CABIN1: variants seen among roughly 807,000 people sequenced by gnomAD.
CABIN1 encodes the protein calcineurin-binding protein cabin-1.
Under a neutral mutation model 227.7 loss-of-function variants are expected in CABIN1, and 133 were observed. That is an observed-to-expected ratio of 0.58 (90% CI 0.51 to 0.67). The LOEUF (loss-of-function observed/expected upper bound fraction) is 0.67. Ranked by LOEUF, CABIN1 falls within the 30% of genes least tolerant of loss-of-function variation. CABIN1 has a pLI of 0.00. For synonymous variants in CABIN1, 1,086 were observed against 1,155.1 expected (o/e 0.94, Z 1.21); for missense variants, 2,408 against 2,852.5 (o/e 0.84, Z 3.55).
chr22:24,167,199 C>A lies in CABIN1; in HGVS notation c.5568C>A (p.Gly1856=), dbSNP rs756569783. The A allele has an allele frequency of 1.2e-6, 2 of 1,612,156 alleles. No individual in the cohort carries two copies. The highest frequency in any genetic ancestry group is 1.7e-6 in the Non-Finnish European group (2 of 1,179,856). ...AGCTCCTGGAGGACACAGAGTCAGG[C>A]AAGACACTTCTGTTGGATGCCTACC... ...KRKLLEDTES[G]KTLLLDAYRV... Residue 1856 remains glycine, a synonymous_variant, in exon 32 of 37, where the codon GGC becomes GGA. Transcript: ENST00000263119.
intron 5 of CABIN1, among the ~76,000 whole-genome samples, chr22:24,041,540 G>C (rs977338763): frequency 6.6e-6 from 1 of 152,224 alleles, no homozygotes; most frequent in Admixed American, 6.5e-5. Flanking sequence ...GTGGCTGTGA[G>C]TGAGTTATTC....
intron 8 of CABIN1, among the ~76,000 whole-genome samples, chr22:24,052,524 C>A (rs1162010334): frequency 6.6e-6 from 1 of 150,466 alleles, no homozygotes; most frequent in East Asian, 1.9e-4. Context: ...GGCATGGTGG[C>A]TAACGCCTAT....
chr22:24,011,715 A>G (rs945890445), intron 1 of CABIN1: 2 of 152,302 alleles, frequency 1.3e-5, no homozygotes, highest in African/African-American at 4.8e-5. Flanking sequence ...TCACCTTCAC[A>G]GCAGCCCTGC....
intron 19 of CABIN1, among the ~76,000 whole-genome samples, chr22:24,078,093 G>C (rs909861761): frequency 6.6e-6 from 1 of 152,112 alleles, no homozygotes; most frequent in African/African-American, 2.4e-5. Flanking sequence ...CTGCATGACT[G>C]GTTTGTTGTT....
At chr22:24,174,695 T>C (rs1169761331) in intron 34 of CABIN1, among the ~76,000 whole-genome samples, 1 of 152,090 alleles carries the variant, frequency 6.6e-6, no homozygotes, top group Non-Finnish European at 1.5e-5. Context: ...CCTTGGGGTG[T>C]TGGCAGCCTC....
At chr22:24,048,956 G>A in intron 6 of CABIN1, 135 bp from the exon 7 acceptor site, 1 of 1,030,548 alleles carries the variant, frequency 9.7e-7, no homozygotes, top group Non-Finnish European at 1.5e-6. Context: ...GACTGAATTA[G>A]TTAAAGTGGT....
intron 20 of CABIN1, among the ~76,000 whole-genome samples, chr22:24,083,823 C>T (rs1315104456): frequency 3.3e-5 from 5 of 152,138 alleles, no homozygotes; most frequent in African/African-American, 7.2e-5. Flanking sequence ...TGGCAGTTGT[C>T]GATAGTTTAT....
At chr22:24,173,225 C>T (rs546670535) in intron 34 of CABIN1, 2 of 152,384 alleles carry the variant, frequency 1.3e-5, no homozygotes, top group East Asian at 3.9e-4. Flanking sequence ...GAGACAGCCA[C>T]TCTGCAGAAG....
chr22:24,059,776 C>G (rs2146368885), intron 11 of CABIN1, 148 bp from the exon 12 acceptor site: 2 of 763,136 alleles, frequency 2.6e-6, no homozygotes, highest in East Asian at 2.7e-5. Context: ...ACCCAGTAGC[C>G]TGATCTCAGC....
chr22:24,020,199 A>G (rs78137416), intron 1 of CABIN1, among the ~76,000 whole-genome samples: 2,084 of 152,328 alleles, frequency 0.014, 45 homozygotes, highest in African/African-American at 0.047. Flanking sequence ...ATTTTTTATT[A>G]TGAATAGATA....
chr22:24,171,965 G>A lies in CABIN1; in HGVS notation c.6010G>A (p.Ala2004Thr). 2 of 1,612,974 alleles carry A rather than the reference G, an allele frequency of 1.2e-6. No individual in the cohort carries two copies. Among genetic ancestry groups the A allele is most frequent in the Non-Finnish European group, 1.7e-6 (2 of 1,180,000 alleles). Residue 2004 changes from alanine (A) to threonine (T), a missense_variant, in exon 34 of 37, where the codon GCT becomes ACT. By Grantham distance (58) the Ala-to-Thr change is moderately conservative (BLOSUM62 0). Transcript: ENST00000263119. Reference protein sequence around the residue: ...PGPPRPHRPEATPSMASLGPE... With the variant: ...PGPPRPHRPETTPSMASLGPE... ...GCCTCCCCGGCCACACAGGCCTGAA[G>A]CTACCCCCAGCATGGCCTCTCTGGG... is the stretch of plus-strand genomic sequence containing the variant.
At chr22:24,077,243 A>T (rs2040506567) in intron 19 of CABIN1, among the ~76,000 whole-genome samples, 1 of 152,102 alleles carries the variant, frequency 6.6e-6, no homozygotes, top group African/African-American at 2.4e-5. Context: ...TGATACACTC[A>T]TTGAGTGTAT....
chr22:24,172,915 T>C (rs894669539), intron 34 of CABIN1, among the ~76,000 whole-genome samples: 24 of 152,184 alleles, frequency 1.6e-4, no homozygotes, highest in Admixed American at 1.4e-3. Context: ...TCTAGGACCA[T>C]GTGGCCAGGC....
At chr22:24,140,519 C>T (rs1456163745) in intron 29 of CABIN1, among the ~76,000 whole-genome samples, 1 of 152,240 alleles carries the variant, frequency 6.6e-6, no homozygotes, top group Non-Finnish European at 1.5e-5. Flanking sequence ...GCATACACAC[C>T]TCTGGCAGGC....
chr22:24,127,231 G>C (rs1175340440), intron 28 of CABIN1, among the ~76,000 whole-genome samples: 3 of 152,146 alleles, frequency 2.0e-5, no homozygotes, highest in Non-Finnish European at 4.4e-5. Context: ...GCAGAGAGTA[G>C]GAATTCACAA....
rs1569243251 is a variant in CABIN1, at chr22:24,119,631, G to A, written c.4565G>A (p.Arg1522His). 6.2e-7 allele frequency: 1 copy of A among 1,613,876 alleles called. No homozygotes were observed. Among genetic ancestry groups the A allele is most frequent in the Non-Finnish European group, 8.5e-7 (1 of 1,179,952 alleles). ...CIASFRLCLSRFPQHYKSLYR... is the reference protein window; with the variant it reads ...CIASFRLCLSHFPQHYKSLYR... ...GCCTCCTTCCGCCTGTGCCTGAGCC[G>A]CTTCCCCCAGCACTATAAGAGTCTC... Residue 1522 changes from arginine (R) to histidine (H), a missense_variant, in exon 28 of 37, where the codon CGC (arginine) becomes CAC (histidine). Coordinates refer to ENST00000263119, the MANE Select transcript of CABIN1 (RefSeq NM_012295.4).
intron 8 of CABIN1, among the ~76,000 whole-genome samples, chr22:24,053,979 A>G (rs1431745058): frequency 1.3e-5 from 2 of 152,138 alleles, no homozygotes; most frequent in South Asian, 2.1e-4. Context: ...GCAGAGGGCT[A>G]TGCTGTGGGA....
intron 1 of CABIN1, among the ~76,000 whole-genome samples, chr22:24,019,573 T>C (rs1415278791): frequency 6.6e-6 from 1 of 151,140 alleles, no homozygotes. Context: ...TATTATTGAA[T>C]AAATTTTATC....
At chr22:24,130,911 G>A (rs989722002) in intron 28 of CABIN1, among the ~76,000 whole-genome samples, 3 of 152,204 alleles carry the variant, frequency 2.0e-5, no homozygotes, top group African/African-American at 7.2e-5. Flanking sequence ...ACAGGCTAGT[G>A]CTTTCTGCAC....
Sources: gnomAD v4.1 joint callset for allele counts (sites outside exome capture counted in the v4.1 genomes callset) on GRCh38, gnomAD v4.1.1 for gene constraint, MANE v1.5 for transcripts, NCBI Gene and HGNC (gene_info 2026-07-23, HGNC 2026-07-21) for gene names.